IL17RA: variants seen among roughly 807,000 people sequenced by gnomAD.
IL17RA encodes interleukin-17 receptor A.
A neutral mutation model predicts 50.4 loss-of-function variants in IL17RA; 34 were observed. That is an observed-to-expected ratio of 0.67 (90% CI 0.51 to 0.90). The LOEUF (loss-of-function observed/expected upper bound fraction) is 0.90, where lower values mean the gene tolerates loss of function less well. Among genes scored for constraint, IL17RA ranks in the 40% least tolerant of loss-of-function variants. IL17RA has a pLI of 0.00. For missense variants in IL17RA, 1,276 were observed against 1,169.8 expected (o/e 1.09, Z -1.32); for synonymous variants, 585 against 510.4 (o/e 1.15, Z -1.97).
chr22:17,108,821 C>G lies in IL17RA; in HGVS notation c.1602C>G (p.Phe534Leu). The G allele has an allele frequency of 2.5e-6, 4 of 1,607,254 alleles. No homozygotes were observed. The highest frequency in any genetic ancestry group is 1.3e-5 in the African/African-American group (1 of 74,964). The stretch of plus-strand genomic sequence containing the variant: ...TGGACAGGTTCGAGGAGGTGTACTT[C>G]CGCATCCAGGACCTGGAGATGTTCC... The part of the protein sequence containing the change: ...PLMDRFEEVY[F>L]RIQDLEMFQP... Residue 534 changes from phenylalanine to leucine, a missense_variant, in exon 13 of 13, where the codon TTC becomes TTG. Transcript: ENST00000319363.
chr22:17,103,532 A>G lies in IL17RA; in HGVS notation c.801A>G (p.Thr267=), dbSNP rs1237911964. The G allele has an allele frequency of 6.2e-7, 1 of 1,613,564 alleles. No homozygotes were observed. Among genetic ancestry groups the G allele is most frequent in the African/African-American group, 1.3e-5 (1 of 74,764 alleles). Residue 267 remains threonine, a synonymous_variant, in exon 8 of 13, where the codon ACA becomes ACG. Transcript: ENST00000319363. ...PEEFHQRSNV[T]LTLRNLKGCC... ...AGTTCCACCAGCGATCCAACGTCAC[A>G]CTCACTCTACGCAACCTTAAAGGGT... is the stretch of plus-strand genomic sequence containing the variant.
At chr22:17,103,707 A>G in intron 8 of IL17RA, 130 bp downstream of exon 8, 1 of 726,146 alleles carries the variant, frequency 1.4e-6, no homozygotes, top group Non-Finnish European at 2.4e-6. Flanking sequence ...AGGTGGAGAG[A>G]GTGGTGTGGA....
chr22:17,102,324 C>T (rs1020357111), intron 7 of IL17RA, 22 bp downstream of exon 7: 1 of 1,613,492 alleles, frequency 6.2e-7, no homozygotes, highest in African/African-American at 1.3e-5. Context: ...CTTTTTGACC[C>T]CTCTAGCATA....
chr22:17,094,571 TCTC>T (rs1450474932), intron 1 of IL17RA, among the ~76,000 whole-genome samples: 1 of 146,108 alleles, frequency 6.8e-6, no homozygotes, highest in African/African-American at 2.5e-5. Context: ...CCTCATGCCA[TCTC>T]CTCTGCTTGT....
intron 1 of IL17RA, among the ~76,000 whole-genome samples, chr22:17,087,740 C>T (rs1004055392): frequency 1.3e-5 from 2 of 152,196 alleles, no homozygotes; most frequent in African/African-American, 4.8e-5. Context: ...GCCGTTCTCG[C>T]TGCCTAGGCT....
rs1568917416 is a variant in IL17RA, at chr22:17,094,673, C to CTATATATATATATG, written c.139-2388_139-2387insATATATATATATGT. Among the ~76,000 whole-genome samples the CTATATATATATATG allele has an allele frequency of 5.0e-4, 24 of 47,850 alleles. 4 individuals are homozygous for CTATATATATATATG. The highest frequency in any genetic ancestry group is 5.3e-4 in the Non-Finnish European group (13 of 24,726). The allele number at this position is 47,850 out of a possible 152,430, so 31.4% of individuals were successfully genotyped here. A position where few individuals can be genotyped will look rare whatever the true frequency, so the allele number is the denominator to read the frequency against. ...ATACACACACTCTCTCTCTCTCTCT[C>CTATATATATATATG]TCTCTCTCTCTCTCTCTCTATATAT... On this transcript the variant is annotated intron_variant, in intron 1 of 12. Transcript: ENST00000319363.
At chr22:17,098,077 C>T in intron 3 of IL17RA, 134 bp downstream of exon 3, 1 of 981,046 alleles carries the variant, frequency 1.0e-6, no homozygotes, top group Non-Finnish European at 1.6e-6. Context: ...AAGGATCCGT[C>T]ATTTCATGCA....
chr22:17,097,658 TG>T, intron 2 of IL17RA, 138 bp from the exon 3 acceptor site: 1 of 917,010 alleles, frequency 1.1e-6, no homozygotes, highest in Non-Finnish European at 1.7e-6. Flanking sequence ...GCAGTAAAGC[TG>T]AGGACGCGGC....
At position 17,112,870 on chromosome 22, in the gene IL17RA, G is replaced by A. The variant is rs2061449224; in HGVS notation, c.*3050G>A. The A allele has an allele frequency of 6.6e-6, 1 of 152,156 alleles. No individual in the cohort carries two copies. Among genetic ancestry groups the A allele is most frequent in the Non-Finnish European group, 1.5e-5 (1 of 68,042 alleles). The allele number at this position is 152,156 out of a possible 1,614,324, so 9.4% of individuals were successfully genotyped here. ...TGCAGAGGTGGTTCCGGTTGGGAAAGAAGCAGCGGAGCATCTAACCATGCC... is the reference window on the plus strand; with the variant it reads ...TGCAGAGGTGGTTCCGGTTGGGAAAAAAGCAGCGGAGCATCTAACCATGCC... On this transcript the variant is annotated 3_prime_UTR_variant, in exon 13 of 13. Coordinates refer to ENST00000319363, the MANE Select transcript of IL17RA (RefSeq NM_014339.7).
At chr22:17,107,453 AT>A (rs1231679611) in intron 11 of IL17RA, among the ~76,000 whole-genome samples, 4 of 152,252 alleles carry the variant, frequency 2.6e-5, no homozygotes, top group Non-Finnish European at 4.4e-5. Context: ...ACACACACTC[AT>A]TTAATACCCA....
chr22:17,101,068 A>T (rs2061389515), intron 5 of IL17RA, among the ~76,000 whole-genome samples: 1 of 151,954 alleles, frequency 6.6e-6, no homozygotes, highest in Non-Finnish European at 1.5e-5. Context: ...TTTTGTTTTT[A>T]ATAGAGATAG....
rs1317144980 is a variant in IL17RA at position 17,115,029 on chromosome 22, G to C, written c.*5209G>C. ...AACTGCATGGCCAGACTCAGGCAAGGCCTAGGTGTGGGCTGGGCATTGCCT... is the reference window on the plus strand; with the variant it reads ...AACTGCATGGCCAGACTCAGGCAAGCCCTAGGTGTGGGCTGGGCATTGCCT... On this transcript the variant is annotated 3_prime_UTR_variant, in exon 13 of 13. Coordinates refer to ENST00000319363, the MANE Select transcript of IL17RA (RefSeq NM_014339.7). 6.6e-6 allele frequency: 1 copy of C among 152,254 alleles called. No homozygotes were observed. The highest frequency in any genetic ancestry group is 1.9e-4 in the East Asian group (1 of 5,198). The allele number at this position is 152,254 out of a possible 1,614,324, so 9.4% of individuals were successfully genotyped here.
At chr22:17,107,638 C>G in intron 11 of IL17RA, 89 bp from the exon 12 acceptor site, 1 of 1,170,304 alleles carries the variant, frequency 8.5e-7, no homozygotes, top group Non-Finnish European at 1.3e-6. Flanking sequence ...ACCCTTCACC[C>G]TTTGTCAGGG....
At position 17,108,863 on chromosome 22, in the gene IL17RA, C is replaced by T. The variant is rs571087465; in HGVS notation, c.1644C>T (p.His548=). ...DLEMFQPGRM[H]RVGELSGDNY... is the part of the protein sequence containing the mutation. ...AGATGTTCCAGCCGGGCCGCATGCA[C>T]CGCGTAGGGGAGCTGTCGGGGGACA... Residue 548 remains histidine, a synonymous_variant, in exon 13 of 13, where the codon CAC becomes CAT. Coordinates refer to ENST00000319363, the MANE Select transcript of IL17RA (RefSeq NM_014339.7). 5.6e-6 allele frequency: 9 copies of T among 1,609,552 alleles called. No individual in the cohort carries two copies. The East Asian group carries it at 1.1e-4, about 20-fold the overall frequency.
rs557007449 is a variant in IL17RA, at chr22:17,110,081, T to C, written c.*261T>C. ...TAGAGCGTCCTTGAGGCTCCATTAT[T>C]CGTTCATTCAGCATTTATTGTGCAC... On this transcript the variant is annotated 3_prime_UTR_variant, in exon 13 of 13. Coordinates refer to ENST00000319363, the MANE Select transcript of IL17RA (RefSeq NM_014339.7). The C allele has an allele frequency of 1.9e-5, 10 of 534,890 alleles. No homozygotes were observed. The highest frequency in any genetic ancestry group is 3.2e-5 in the Admixed American group (1 of 31,192). The allele number at this position is 534,890 out of a possible 1,614,324, so 33.1% of individuals were successfully genotyped here.
chr22:17,094,844 G>T (rs984785308), intron 1 of IL17RA, among the ~76,000 whole-genome samples: 2 of 150,434 alleles, frequency 1.3e-5, no homozygotes, highest in Non-Finnish European at 3.0e-5. Context: ...AGATGTCTAT[G>T]CAACTAATTC....
In IL17RA at chr22:17,108,336, C is replaced by T. The variant is rs748951854; in HGVS notation, c.1117C>T (p.Pro373Ser). The change falls in exon 13 of 13, where the codon CCA becomes TCA. Residue 373 changes from proline to serine, a missense_variant. Pro to Ser is a moderately conservative substitution (Grantham distance 74). Transcript: ENST00000319363. ...DGLPAADLIP[P>S]PLKPRKVWII... ...CCTGCCTGCGGCTGACCTGATCCCCCCACCGCTGAAGCCCAGGAAGGTCTG... is the reference window on the plus strand; with the variant it reads ...CCTGCCTGCGGCTGACCTGATCCCCTCACCGCTGAAGCCCAGGAAGGTCTG... 6.2e-7 allele frequency: 1 copy of T among 1,614,160 alleles called. No individual in the cohort carries two copies. The highest frequency in any genetic ancestry group is 8.5e-7 in the Non-Finnish European group (1 of 1,180,024).
chr22:17,095,712 G>A (rs1361583865), intron 1 of IL17RA, among the ~76,000 whole-genome samples: 1 of 152,108 alleles, frequency 6.6e-6, no homozygotes, highest in Non-Finnish European at 1.5e-5. Flanking sequence ...GTGAGCCTAG[G>A]CAGCCAGATG....
intron 10 of IL17RA, 73 bp downstream of exon 10, chr22:17,105,675 C>T: frequency 1.3e-6 from 2 of 1,563,004 alleles, no homozygotes; most frequent in African/African-American, 1.4e-5. Context: ...TGAGAAGTCC[C>T]TGCCTCAGCC....
Sources: gnomAD v4.1 joint callset for allele counts (sites outside exome capture counted in the v4.1 genomes callset) on GRCh38, gnomAD v4.1.1 for gene constraint, MANE v1.5 for transcripts, NCBI Gene and HGNC (gene_info 2026-07-23, HGNC 2026-07-21) for gene names.